RBMS3: variants seen among roughly 807,000 people sequenced by gnomAD.
The protein encoded by RBMS3 is RNA-binding motif, single-stranded-interacting protein 3.
A neutral mutation model predicts 66.8 loss-of-function variants in RBMS3; 27 were observed. The ratio of observed to expected loss-of-function variants is 0.40; its 90% CI spans 0.30 to 0.56. The LOEUF (loss-of-function observed/expected upper bound fraction) is 0.56, where lower values mean the gene tolerates loss of function less well. RBMS3 is among the 20% of genes least tolerant of loss of function. The pLI, the probability that RBMS3 is intolerant of heterozygous loss-of-function variation, is 0.40. For missense variants in RBMS3, 513 were observed against 549.5 expected, an observed-to-expected ratio of 0.93 and a Z score of 0.66; for synonymous variants, 188 against 183.0, an observed-to-expected ratio of 1.03 and a Z score of -0.22.
intron 3 of RBMS3, among the ~76,000 whole-genome samples, chr3:29,549,016 G>C (rs1304426604): frequency 6.9e-6 from 1 of 144,328 alleles, no homozygotes; most frequent in South Asian, 2.2e-4. Context: ...AGAAAACAAA[G>C]ATATGTACAC....
chr3:29,851,860 C>T (rs1051017690), intron 6 of RBMS3, among the ~76,000 whole-genome samples: 1 of 152,124 alleles, frequency 6.6e-6, no homozygotes, highest in Admixed American at 6.5e-5. Context: ...TAAAAAAGAA[C>T]ACGAATAGCC....
intron 10 of RBMS3, among the ~76,000 whole-genome samples, chr3:29,923,516 C>A (rs1447485831): frequency 6.6e-6 from 1 of 152,120 alleles, no homozygotes; most frequent in Non-Finnish European, 1.5e-5. Flanking sequence ...TGTTAAAAAT[C>A]TCTGACAGTT....
intron 1 of RBMS3, among the ~76,000 whole-genome samples, chr3:29,314,435 C>T (rs574159902): frequency 5.3e-5 from 8 of 151,806 alleles, no homozygotes; most frequent in Non-Finnish European, 1.0e-4. Context: ...TTAAAGGTCA[C>T]TGCTGGAAGG....
chr3:29,603,138 C>T (rs189324558), intron 4 of RBMS3, among the ~76,000 whole-genome samples: 1 of 152,004 alleles, frequency 6.6e-6, no homozygotes, highest in Admixed American at 6.6e-5. Context: ...TCTTCTGAAC[C>T]AACCACAGTG....
At chr3:29,623,119 G>A (rs991661201) in intron 4 of RBMS3, among the ~76,000 whole-genome samples, 2 of 133,168 alleles carry the variant, frequency 1.5e-5, no homozygotes, top group African/African-American at 5.4e-5. Flanking sequence ...AAAAAAAAAG[G>A]AGTCCCTATT....
intron 10 of RBMS3, 125 bp downstream of exon 10, chr3:29,899,880 C>T: frequency 1.1e-6 from 1 of 872,180 alleles, no homozygotes; most frequent in Non-Finnish European, 1.7e-6. Context: ...GCCATATTCT[C>T]CAGATAAAAA....
chr3:29,885,362 A>G (rs1237999912), intron 8 of RBMS3, among the ~76,000 whole-genome samples: 1 of 151,892 alleles, frequency 6.6e-6, no homozygotes, highest in African/African-American at 2.4e-5. Context: ...CTTATTTCCA[A>G]CAAAATTCTA....
chr3:29,662,567 G>A (rs1315726353), intron 4 of RBMS3, among the ~76,000 whole-genome samples: 4 of 152,156 alleles, frequency 2.6e-5, no homozygotes, highest in African/African-American at 9.7e-5. Flanking sequence ...ACAAAACCAT[G>A]CTGAATTCCA....
intron 4 of RBMS3, among the ~76,000 whole-genome samples, chr3:29,650,279 CTTT>C (rs560594950): frequency 1.5e-4 from 14 of 96,230 alleles, no homozygotes; most frequent in African/African-American, 3.9e-4. Flanking sequence ...TCCTTTCTTT[CTTT>C]TTTTTTTTTT....
At chr3:29,829,680 A>T (rs563364518) in intron 6 of RBMS3, among the ~76,000 whole-genome samples, 10 of 152,306 alleles carry the variant, frequency 6.6e-5, no homozygotes, top group African/African-American at 2.4e-4. Context: ...CCTAGAGTTG[A>T]TGCTGATGAA....
At chr3:29,383,545 G>A (rs72852321) in intron 1 of RBMS3, among the ~76,000 whole-genome samples, 3,663 of 152,244 alleles carry the variant, frequency 0.024, 149 homozygotes, top group African/African-American at 0.083. Flanking sequence ...GTTTATTGTG[G>A]TTCAGACTCA....
intron 2 of RBMS3, among the ~76,000 whole-genome samples, chr3:29,474,533 T>A (rs1164007321): frequency 6.6e-6 from 1 of 152,268 alleles, no homozygotes; most frequent in African/African-American, 2.4e-5. Context: ...AGGATTAACA[T>A]CCTCATTTTT....
chr3:29,944,498 C>A (rs948011161), intron 12 of RBMS3, among the ~76,000 whole-genome samples: 6 of 151,778 alleles, frequency 4.0e-5, no homozygotes, highest in Admixed American at 3.9e-4. Context: ...ACCATTTTAT[C>A]TGTCAAGGAT....
intron 1 of RBMS3, among the ~76,000 whole-genome samples, chr3:29,424,886 G>C (rs1481102467): frequency 6.6e-6 from 1 of 152,092 alleles, no homozygotes; most frequent in East Asian, 1.9e-4. Flanking sequence ...ACAACTGGAG[G>C]AAACTTTGCA....
At chr3:29,522,678 A>G (rs1199215389) in intron 3 of RBMS3, among the ~76,000 whole-genome samples, 2 of 152,170 alleles carry the variant, frequency 1.3e-5, no homozygotes, top group Non-Finnish European at 2.9e-5. Context: ...GAAACACTGT[A>G]GGAGAAAGAA....
intron 3 of RBMS3, among the ~76,000 whole-genome samples, chr3:29,558,586 C>T (rs928274503): frequency 2.6e-5 from 4 of 152,062 alleles, no homozygotes; most frequent in Non-Finnish European, 2.9e-5. Flanking sequence ...TTCATTCATT[C>T]GACAAATAAG....
intron 6 of RBMS3, among the ~76,000 whole-genome samples, chr3:29,838,600 T>C (rs553706727): frequency 6.6e-6 from 1 of 152,202 alleles, no homozygotes; most frequent in African/African-American, 2.4e-5. Flanking sequence ...ATTTATTTTA[T>C]GCCATAAGAC....
chr3:29,889,547 G>A (rs549042203), intron 8 of RBMS3, among the ~76,000 whole-genome samples: 1 of 151,668 alleles, frequency 6.6e-6, no homozygotes, highest in South Asian at 2.1e-4. Flanking sequence ...AATAATATCA[G>A]TACCTTTCAT....
chr3:29,710,193 T>G (rs910277206), intron 4 of RBMS3, among the ~76,000 whole-genome samples: 1 of 152,234 alleles, frequency 6.6e-6, no homozygotes, highest in African/African-American at 2.4e-5. Context: ...TTTGCCTTTT[T>G]GGATTTGTGA....
Sources: allele counts gnomAD v4.1 joint callset (sites outside exome capture counted in the v4.1 genomes callset), GRCh38; gene constraint gnomAD v4.1.1; transcripts MANE v1.5; gene names NCBI Gene and HGNC (gene_info 2026-07-23, HGNC 2026-07-21).